Variants in FGF12 observed in about 807,000 individuals in gnomAD.
The protein encoded by FGF12 is fibroblast growth factor 12, also known as fibroblast growth factor 12B.
FGF12 carries 14 observed loss-of-function variants against 23.6 expected under a neutral mutation model. The observed-to-expected ratio is 0.59, with a 90% confidence interval of 0.39 to 0.93. FGF12 has a LOEUF of 0.93. FGF12 is among the 40% of genes least tolerant of loss of function. The pLI is 0.00. For synonymous variants in FGF12, 62 were observed against 77.3 expected (o/e 0.80, Z 1.04); for missense variants, 175 against 217.8 (o/e 0.80, Z 1.24).
chr3:192,514,839 G>C lies in FGF12; in HGVS notation c.14-154301C>G. The C allele has an allele frequency of 1.0e-6, 1 of 985,376 alleles. No individual in the cohort carries two copies. Among genetic ancestry groups the C allele is most frequent in the Non-Finnish European group, 1.2e-6 (1 of 829,912 alleles). The allele number at this position is 985,376 out of a possible 1,614,324, so 61.0% of individuals were successfully genotyped here. The stretch of plus-strand genomic sequence containing the variant: ...ACCAACAGGCGGCCTGTCTTCGGAA[G>C]CCGGGTCCCGAGTCCATCGCGCGCG... On this transcript the variant is annotated intron_variant, in intron 2 of 5. Transcript: ENST00000445105. This position sits in a 1 kb window ranked among gnomAD's most constrained non-coding sequence, Gnocchi z 4.9.
chr3:192,295,526 G>T (rs1714983674), intron 4 of FGF12, among the ~76,000 whole-genome samples: 1 of 152,148 alleles, frequency 6.6e-6, no homozygotes, highest in South Asian at 2.1e-4. Context: ...GAATATCCAA[G>T]TGTGGATATA....
intron 2 of FGF12, among the ~76,000 whole-genome samples, chr3:192,622,363 G>A (rs1009421855): frequency 2.6e-5 from 4 of 152,144 alleles, no homozygotes; most frequent in Admixed American, 2.6e-4. Context: ...GCCCTGAGCA[G>A]AAACCACTAA....
At chr3:192,298,776 G>A (rs1335052914) in intron 4 of FGF12, among the ~76,000 whole-genome samples, 7 of 152,130 alleles carry the variant, frequency 4.6e-5, no homozygotes, top group Non-Finnish European at 1.5e-5. Context: ...TTTACTGATG[G>A]TTCTACAGAC....
chr3:192,212,646 A>G (rs2108680301), intron 4 of FGF12, among the ~76,000 whole-genome samples: 1 of 152,316 alleles, frequency 6.6e-6, no homozygotes, highest in East Asian at 1.9e-4. Context: ...CACATTTAAT[A>G]TAAACCTTTT....
At chr3:192,242,061 C>T (rs1462681422) in intron 4 of FGF12, among the ~76,000 whole-genome samples, 1 of 151,636 alleles carries the variant, frequency 6.6e-6, no homozygotes, top group East Asian at 1.9e-4. Flanking sequence ...TGTAAGGGAA[C>T]AAGTAAAAAG....
chr3:192,545,200 A>G (rs1725465571), intron 2 of FGF12, among the ~76,000 whole-genome samples: 1 of 152,188 alleles, frequency 6.6e-6, no homozygotes, highest in Non-Finnish European at 1.5e-5. Flanking sequence ...TCCTTTATGT[A>G]GGTACCAACC....
chr3:192,559,891 ATTT>A, intron 2 of FGF12, among the ~76,000 whole-genome samples: 1 of 152,130 alleles, frequency 6.6e-6, no homozygotes, highest in African/African-American at 2.4e-5. Context: ...TATCTCAACC[ATTT>A]TAACCTAATT....
intron 4 of FGF12, among the ~76,000 whole-genome samples, chr3:192,321,426 AGAG>A (rs762470619): frequency 5.3e-5 from 8 of 151,764 alleles, no homozygotes; most frequent in Admixed American, 3.9e-4. Flanking sequence ...AAAAAATAGA[AGAG>A]GAGGGAATAA....
intron 4 of FGF12, among the ~76,000 whole-genome samples, chr3:192,288,523 A>T (rs534849832): frequency 6.6e-6 from 1 of 152,230 alleles, no homozygotes; most frequent in East Asian, 1.9e-4. Context: ...ATTTATATTT[A>T]AAATACAAAT....
At chr3:192,468,783 C>T (rs1340011633) in intron 2 of FGF12, among the ~76,000 whole-genome samples, 1 of 152,118 alleles carries the variant, frequency 6.6e-6, no homozygotes, top group African/African-American at 2.4e-5. Context: ...AAAACTTCCC[C>T]CTGATTTTAG....
intron 2 of FGF12, among the ~76,000 whole-genome samples, chr3:192,567,425 A>G (rs1712348744): frequency 6.6e-6 from 1 of 152,178 alleles, no homozygotes; most frequent in African/African-American, 2.4e-5. Flanking sequence ...AAATTTTCTT[A>G]GAGATTATTA....
intron 4 of FGF12, among the ~76,000 whole-genome samples, chr3:192,297,270 A>C (rs1231567489): frequency 6.6e-6 from 1 of 152,344 alleles, no homozygotes; most frequent in Admixed American, 6.5e-5. Flanking sequence ...AATTTTAAAA[A>C]TTAAAAACGT....
chr3:192,295,933 G>T (rs1264514951), intron 4 of FGF12, among the ~76,000 whole-genome samples: 1 of 151,200 alleles, frequency 6.6e-6, no homozygotes, highest in African/African-American at 2.4e-5. Context: ...CCCAGGCTGA[G>T]TGCAGTAGCA....
chr3:192,635,816 C>CA (rs1715559562), intron 2 of FGF12, among the ~76,000 whole-genome samples: 2 of 152,058 alleles, frequency 1.3e-5, no homozygotes, highest in African/African-American at 2.4e-5. Flanking sequence ...ATGGAGAAGT[C>CA]TGGATAAGAT....
chr3:192,412,627 C>T (rs1429202989), intron 2 of FGF12, among the ~76,000 whole-genome samples: 1 of 152,166 alleles, frequency 6.6e-6, no homozygotes, highest in Non-Finnish European at 1.5e-5. Flanking sequence ...TCCATTTCCC[C>T]AGTGAGAAGA....
At chr3:192,686,798 A>G (rs370132667) in intron 2 of FGF12, among the ~76,000 whole-genome samples, 1 of 149,060 alleles carries the variant, frequency 6.7e-6, no homozygotes, top group South Asian at 2.1e-4. Flanking sequence ...AAAAAAAGAC[A>G]ATGACTTTTT....
At chr3:192,604,992 G>T (rs985695462) in intron 2 of FGF12, among the ~76,000 whole-genome samples, 5 of 152,100 alleles carry the variant, frequency 3.3e-5, no homozygotes, top group African/African-American at 1.2e-4. Context: ...AGGATAGCTG[G>T]CTAGCCACAG....
At chr3:192,304,063 C>G (rs1715486777) in intron 4 of FGF12, among the ~76,000 whole-genome samples, 2 of 152,126 alleles carry the variant, frequency 1.3e-5, no homozygotes, top group South Asian at 4.1e-4. Flanking sequence ...GTAGTAAGCA[C>G]TCAAAAATGT....
At chr3:192,224,471 A>G (rs979011393) in intron 4 of FGF12, among the ~76,000 whole-genome samples, 1 of 152,142 alleles carries the variant, frequency 6.6e-6, no homozygotes, top group Non-Finnish European at 1.5e-5. Flanking sequence ...TCAATTCTGC[A>G]TCTCTTAGAT....
Sources: allele counts gnomAD v4.1 joint callset (sites outside exome capture counted in the v4.1 genomes callset), GRCh38; gene constraint gnomAD v4.1.1; non-coding constraint Gnocchi (gnomAD v3.1); transcripts MANE v1.5; gene names NCBI Gene and HGNC (gene_info 2026-07-23, HGNC 2026-07-21).